The following ATL1 variants were observed in gnomAD, a reference collection of about 807,000 sequenced individuals.
The protein encoded by ATL1 is atlastin-1.
A neutral mutation model predicts 75.5 loss-of-function variants in ATL1; 31 were observed. The observed-to-expected ratio is 0.41, with a 90% CI of 0.31 to 0.55. ATL1 has a LOEUF of 0.55. Ranked by LOEUF, ATL1 falls within the 20% of genes least tolerant of loss-of-function variation. The pLI, the probability that ATL1 is intolerant of heterozygous loss-of-function variation, is 0.27. For missense variants in ATL1, 405 were observed against 662.6 expected (o/e 0.61, Z 4.27); for synonymous variants, 226 against 233.3 (o/e 0.97, Z 0.28).
intron 5 of ATL1, 124 bp from the exon 6 acceptor site, chr14:50,595,452 C>A: frequency 1.2e-6 from 1 of 815,560 alleles, no homozygotes; most frequent in Non-Finnish European, 2.0e-6. Context: ...ATGTAATATT[C>A]TGTTATACCT....
At chr14:50,593,742 G>C in intron 4 of ATL1, 104 bp from the exon 5 acceptor site, 1 of 741,598 alleles carries the variant, frequency 1.3e-6, no homozygotes, top group Non-Finnish European at 2.4e-6. Flanking sequence ...ACATAAGAGA[G>C]TCCATTTTGT....
At chr14:50,570,300 AT>A (rs995610773) in intron 1 of ATL1, among the ~76,000 whole-genome samples, 1 of 151,688 alleles carries the variant, frequency 6.6e-6, no homozygotes, top group Admixed American at 6.6e-5. Flanking sequence ...AAGTTTGCTG[AT>A]TTTTTTTGTC....
intron 1 of ATL1, among the ~76,000 whole-genome samples, chr14:50,562,731 T>A (rs2038862757): frequency 6.6e-6 from 1 of 152,214 alleles, no homozygotes; most frequent in African/African-American, 2.4e-5. Flanking sequence ...AATTCTGGAC[T>A]CTTATCTTGA....
chr14:50,598,562 C>A (rs1354508988), intron 6 of ATL1, among the ~76,000 whole-genome samples: 1 of 151,996 alleles, frequency 6.6e-6, no homozygotes, highest in African/African-American at 2.4e-5. Context: ...GGGGTTTCAC[C>A]ATGTTAGCCA....
At chr14:50,550,322 T>C (rs1341747802) in intron 1 of ATL1, among the ~76,000 whole-genome samples, 2 of 152,200 alleles carry the variant, frequency 1.3e-5, no homozygotes, top group East Asian at 3.8e-4. Context: ...GCAATAATAA[T>C]GTTACAAGGA....
At chr14:50,580,711 T>A (rs2039047330) in intron 1 of ATL1, among the ~76,000 whole-genome samples, 1 of 152,152 alleles carries the variant, frequency 6.6e-6, no homozygotes, top group Non-Finnish European at 1.5e-5. Flanking sequence ...TCAGAGTTAG[T>A]CTGACATTAT....
At chr14:50,575,157 C>T (rs928962984) in intron 1 of ATL1, among the ~76,000 whole-genome samples, 1 of 151,276 alleles carries the variant, frequency 6.6e-6, no homozygotes, top group Non-Finnish European at 1.5e-5. Context: ...TACTTTTCTA[C>T]ACACACACAT....
At chr14:50,573,024 C>A (rs1201952299) in intron 1 of ATL1, among the ~76,000 whole-genome samples, 1 of 152,102 alleles carries the variant, frequency 6.6e-6, no homozygotes, top group African/African-American at 2.4e-5. Context: ...AAGCCCCTTA[C>A]AAAACCATCA....
At chr14:50,617,287 T>G (rs1595617083) in intron 8 of ATL1, among the ~76,000 whole-genome samples, 1 of 152,226 alleles carries the variant, frequency 6.6e-6, no homozygotes, top group African/African-American at 2.4e-5. Flanking sequence ...TCATTTATGC[T>G]TCATTCAACC....
intron 1 of ATL1, among the ~76,000 whole-genome samples, chr14:50,578,180 C>G (rs2039023959): frequency 6.6e-6 from 1 of 152,146 alleles, no homozygotes. Context: ...CAGAATGAGA[C>G]TTCTTTGTAT....
At chr14:50,563,835 T>C (rs2038875132) in intron 1 of ATL1, among the ~76,000 whole-genome samples, 1 of 152,178 alleles carries the variant, frequency 6.6e-6, no homozygotes, top group Non-Finnish European at 1.5e-5. Flanking sequence ...TTGAATAAAT[T>C]TAAGCATATA....
Position 50,620,552 on chromosome 14 carries a change from A to G in ATL1, c.863-47A>G, listed in dbSNP as rs2039457793. Reference sequence around the variant, plus strand: ...GATGTTTTATTCTGTGGCATGGAGGACTGGGAAGGATTCCAAAAATAATAA... The same window carrying G: ...GATGTTTTATTCTGTGGCATGGAGGGCTGGGAAGGATTCCAAAAATAATAA... On this transcript the variant is annotated intron_variant, in intron 8 of 13. Coordinates refer to ENST00000358385, the MANE Select transcript of ATL1 (RefSeq NM_015915.5). 1.9e-6 allele frequency: 3 copies of G among 1,585,194 alleles called. No individual in the cohort carries two copies. In the South Asian group the frequency reaches 3.3e-5, roughly 18 times the overall value.
intron 1 of ATL1, among the ~76,000 whole-genome samples, chr14:50,569,145 G>A (rs1455629537): frequency 6.6e-6 from 1 of 151,640 alleles, no homozygotes; most frequent in Non-Finnish European, 1.5e-5. Flanking sequence ...GAGCCCTGGA[G>A]TTCAAGACCA....
upstream of ATL1, chr14:50,559,926 T>G (rs1230924501): frequency 7.8e-6 from 3 of 383,278 alleles, no homozygotes; most frequent in East Asian, 1.5e-4. Flanking sequence ...TTTGAGAGTG[T>G]GTTCGAGGGG....
At chr14:50,548,777 T>C (rs1220246293) in intron 1 of ATL1, among the ~76,000 whole-genome samples, 1 of 152,136 alleles carries the variant, frequency 6.6e-6, no homozygotes, top group Non-Finnish European at 1.5e-5. Context: ...CCCAAAGTAC[T>C]GGGATTACAG....
chr14:50,549,743 A>G (rs1472558941), intron 1 of ATL1, among the ~76,000 whole-genome samples: 5 of 152,164 alleles, frequency 3.3e-5, no homozygotes, highest in Non-Finnish European at 4.4e-5. Context: ...ATATAACCCA[A>G]CAGGGGCAGG....
chr14:50,615,896 C>G (rs777001098), intron 8 of ATL1, among the ~76,000 whole-genome samples: 1 of 152,218 alleles, frequency 6.6e-6, no homozygotes. Context: ...CTGCAGTATA[C>G]AGCTACAGCT....
chr14:50,588,810 C>T (rs893317563), intron 2 of ATL1, among the ~76,000 whole-genome samples: 2 of 152,110 alleles, frequency 1.3e-5, no homozygotes, highest in African/African-American at 4.8e-5. Context: ...ATGAATATCT[C>T]AATGTAGATC....
intron 1 of ATL1, among the ~76,000 whole-genome samples, chr14:50,578,611 AGTT>A (rs2039028569): frequency 6.6e-6 from 1 of 152,026 alleles, no homozygotes; most frequent in Non-Finnish European, 1.5e-5. Flanking sequence ...TTTTTTTCAG[AGTT>A]ATACCATATT....
Sources: allele counts gnomAD v4.1 joint callset (sites outside exome capture counted in the v4.1 genomes callset), GRCh38; gene constraint gnomAD v4.1.1; transcripts MANE v1.5; gene names NCBI Gene and HGNC (gene_info 2026-07-23, HGNC 2026-07-21).